NRCAM: variants seen among roughly 807,000 people sequenced by gnomAD.
NRCAM encodes the protein neuronal cell adhesion molecule.
Under a neutral mutation model 156.5 loss-of-function variants are expected in NRCAM, and 83 were observed. The observed-to-expected ratio is 0.53, with a 90% CI of 0.44 to 0.64. The LOEUF (loss-of-function observed/expected upper bound fraction) is 0.64, where lower values mean the gene tolerates loss of function less well. Among genes scored for constraint, NRCAM ranks in the 30% least tolerant of loss-of-function variants. NRCAM has a pLI of 0.00. For synonymous variants in NRCAM, 538 were observed against 563.9 expected, an observed-to-expected ratio of 0.95 and a Z score of 0.65; for missense variants, 1,417 against 1,597.3, an observed-to-expected ratio of 0.89 and a Z score of 1.92.
chr7:108,428,843 CATTA>C (rs1439122331), intron 1 of NRCAM, among the ~76,000 whole-genome samples: 2 of 151,946 alleles, frequency 1.3e-5, no homozygotes, highest in African/African-American at 4.8e-5. Flanking sequence ...AGAGTGGAGA[CATTA>C]ATTGATTGGA....
At chr7:108,327,051 A>T (rs1156469557) in intron 2 of NRCAM, among the ~76,000 whole-genome samples, 1 of 152,122 alleles carries the variant, frequency 6.6e-6, no homozygotes, top group African/African-American at 2.4e-5. Flanking sequence ...TTTTTAATCT[A>T]CCTAACACCA....
chr7:108,167,311 T>C (rs2055127556), intron 29 of NRCAM, among the ~76,000 whole-genome samples: 1 of 152,206 alleles, frequency 6.6e-6, no homozygotes, highest in Non-Finnish European at 1.5e-5. Flanking sequence ...ATTGTATATA[T>C]TCCCATTGTA....
chr7:108,376,534 C>T (rs1375185783), intron 2 of NRCAM, among the ~76,000 whole-genome samples: 1 of 152,132 alleles, frequency 6.6e-6, no homozygotes, highest in Non-Finnish European at 1.5e-5. Flanking sequence ...TAAGGGGTTA[C>T]AGCAGAGGTT....
At chr7:108,160,823 C>T (rs2048471704) in intron 30 of NRCAM, among the ~76,000 whole-genome samples, 7 of 152,096 alleles carry the variant, frequency 4.6e-5, no homozygotes, top group Admixed American at 4.6e-4. Context: ...TCACTGTTAA[C>T]AGGATACATT....
At chr7:108,247,849 G>A (rs1332966903) in intron 3 of NRCAM, among the ~76,000 whole-genome samples, 2 of 152,154 alleles carry the variant, frequency 1.3e-5, no homozygotes, top group African/African-American at 2.4e-5. Context: ...AGAAAGGGAG[G>A]AAAGAGGGGC....
chr7:108,184,702 A>G (rs1418913560), intron 20 of NRCAM, 88 bp from the exon 21 acceptor site: 4 of 981,660 alleles, frequency 4.1e-6, no homozygotes, highest in Non-Finnish European at 6.0e-6. Context: ...AGGGCAACCC[A>G]ACACAAGCAA....
At chr7:108,150,680 A>G (rs759819678) in intron 32 of NRCAM, 2 of 530,722 alleles carry the variant, frequency 3.8e-6, no homozygotes, top group Non-Finnish European at 7.7e-6. Context: ...GCCAGACTGT[A>G]AACTTCAACC....
rs76061325 is a variant in NRCAM at position 108,404,196 on chromosome 7, G to A, written c.-331-4603C>T. 1.6e-4 allele frequency among the ~76,000 whole-genome samples: 25 copies of A among 152,274 alleles called. 1 individual carries two copies. The East Asian group carries it at 3.1e-3, about 19-fold the overall frequency. On this transcript the variant is annotated intron_variant, in intron 1 of 32. Transcript: ENST00000379028. ...ACGAGCCTATTAAAAAAGCACGAGT[G>A]AATGTGTGAATTTCACGCCATCTCT...
At chr7:108,253,767 G>T (rs954877549) in intron 3 of NRCAM, among the ~76,000 whole-genome samples, 1 of 152,218 alleles carries the variant, frequency 6.6e-6, no homozygotes, top group African/African-American at 2.4e-5. Flanking sequence ...TGTACAGATG[G>T]ATGGATGCCT....
chr7:108,159,460 C>T lies in NRCAM; in HGVS notation c.3677+3G>A. The T allele has an allele frequency of 6.2e-7, 1 of 1,612,132 alleles. No individual in the cohort carries two copies. Among genetic ancestry groups the T allele is most frequent in the African/African-American group, 1.3e-5 (1 of 74,956 alleles). On this transcript the variant is annotated splice_donor_region_variant and intron_variant, in intron 32 of 32. Coordinates refer to ENST00000379028, the MANE Select transcript of NRCAM (RefSeq NM_001037132.4). The stretch of plus-strand genomic sequence containing the variant: ...GATGAAGAGCAGAGAAGCAGGGGCT[C>T]ACCTGTATTCTCCAAATGTCCCATC...
At chr7:108,368,769 G>A (rs1039800194) in intron 2 of NRCAM, among the ~76,000 whole-genome samples, 5 of 151,978 alleles carry the variant, frequency 3.3e-5, no homozygotes, top group African/African-American at 7.3e-5. Flanking sequence ...ATGAGAAACC[G>A]TATATTTCTG....
chr7:108,316,799 AAAAAG>A (rs1251374464), intron 2 of NRCAM, among the ~76,000 whole-genome samples: 1 of 151,916 alleles, frequency 6.6e-6, no homozygotes, highest in Non-Finnish European at 1.5e-5. Flanking sequence ...AAAAAAAAAA[AAAAAG>A]AAACCTAGAA....
At chr7:108,453,262 A>T (rs537561222) in intron 1 of NRCAM, among the ~76,000 whole-genome samples, 1 of 152,352 alleles carries the variant, frequency 6.6e-6, no homozygotes, top group South Asian at 2.1e-4. Context: ...GAGTCTATTT[A>T]TATTCAATCT....
chr7:108,386,963 A>C (rs2099742643), intron 2 of NRCAM, among the ~76,000 whole-genome samples: 1 of 152,116 alleles, frequency 6.6e-6, no homozygotes, highest in East Asian at 1.9e-4. Context: ...AGCCTCTTCC[A>C]GTGTTTTATT....
intron 1 of NRCAM, among the ~76,000 whole-genome samples, chr7:108,440,506 C>A (rs1343514591): frequency 6.6e-6 from 1 of 152,162 alleles, no homozygotes; most frequent in Non-Finnish European, 1.5e-5. Flanking sequence ...TCACTTCAGA[C>A]ACAAGAACAC....
intron 11 of NRCAM, among the ~76,000 whole-genome samples, chr7:108,221,443 C>A (rs2092241263): frequency 6.6e-6 from 1 of 152,180 alleles, no homozygotes; most frequent in South Asian, 2.1e-4. Flanking sequence ...ATCAGGGAAC[C>A]AACCCAAATG....
intron 3 of NRCAM, among the ~76,000 whole-genome samples, chr7:108,244,189 T>C (rs1439782180): frequency 6.6e-6 from 1 of 152,112 alleles, no homozygotes; most frequent in East Asian, 1.9e-4. Context: ...TTCATTCTCC[T>C]CTATTTGGGC....
At chr7:108,417,045 T>A (rs1433709230) in intron 1 of NRCAM, among the ~76,000 whole-genome samples, 1 of 152,244 alleles carries the variant, frequency 6.6e-6, no homozygotes, top group African/African-American at 2.4e-5. Flanking sequence ...GACCATTTAT[T>A]TCAATGTTTT....
Position 108,297,823 on chromosome 7 carries a change from G to A in NRCAM, c.-107+14842C>T, listed in dbSNP as rs1055878121. Reference sequence around the variant, plus strand: ...CGTATGTGTGTGTATATGCACATGCGTAATATACTTTCTTGCCACAGGTTC... The same window carrying A: ...CGTATGTGTGTGTATATGCACATGCATAATATACTTTCTTGCCACAGGTTC... On this transcript the variant is annotated intron_variant, in intron 3 of 32. Transcript: ENST00000379028. 3.3e-5 allele frequency among the ~76,000 whole-genome samples: 5 copies of A among 152,200 alleles called. No individual in the cohort carries two copies. In the South Asian group the frequency reaches 8.3e-4, roughly 25 times the overall value.
Sources: allele counts gnomAD v4.1 joint callset (sites outside exome capture counted in the v4.1 genomes callset), GRCh38; gene constraint gnomAD v4.1.1; transcripts MANE v1.5; gene names NCBI Gene and HGNC (gene_info 2026-07-23, HGNC 2026-07-21).